Variants in C16orf96 observed in about 807,000 individuals in gnomAD.
The protein encoded by C16orf96 is chromosome 16 open reading frame 96, also known as uncharacterized protein C16orf96.
In C16orf96, 108 loss-of-function variants were observed where a neutral mutation model predicts 103.6. That is an observed-to-expected ratio of 1.04 (90% CI 0.89 to 1.22). The LOEUF (loss-of-function observed/expected upper bound fraction) is 1.22. Ranked by LOEUF, C16orf96 falls within the 50% of genes most tolerant of loss-of-function variation. The pLI is 0.00. For synonymous variants in C16orf96, 566 were observed against 593.5 expected (o/e 0.95, Z 0.67); for missense variants, 1,586 against 1,464.2 (o/e 1.08, Z -1.36).
At chr16:4,579,133 A>G (rs1031251807) in intron 6 of C16orf96, 108 bp downstream of exon 6, 64 of 1,024,014 alleles carry the variant, frequency 6.2e-5, no homozygotes, top group Non-Finnish European at 8.4e-5. Flanking sequence ...TTCTGCAGCA[A>G]AACAGGCTGG....
At chr16:4,542,342 G>A in the C16orf96 span, among the ~76,000 whole-genome samples, 8 of 151,996 alleles carry the variant, frequency 5.3e-5, no homozygotes, top group Non-Finnish European at 7.4e-5. Context: ...TCCAGCTTGA[G>A]CAACAGAGTT....
rs761384323 is a variant in C16orf96, at chr16:4,593,261, C to CGGCT, written c.2814_2817dup (p.Arg940AlafsTer40). The CGGCT allele has an allele frequency of 4.5e-6, 7 of 1,551,024 alleles. No individual in the cohort carries two copies. In the South Asian group the frequency reaches 8.3e-5, roughly 18 times the overall value. On this transcript the variant is annotated frameshift_variant, in exon 12 of 16. Transcript: ENST00000444310. LOFTEE classifies it high-confidence loss of function. This position sits in a 1 kb window ranked among gnomAD's most constrained non-coding sequence, Gnocchi z 4.2. ...CATCCGCAAAGCCCACCTGCTGTCC[C>CGGCT]GGCTGCGGCCAGCCAGCGCCAACAG...
At chr16:4,585,251 C>T (rs1470352491) in intron 7 of C16orf96, among the ~76,000 whole-genome samples, 2 of 135,774 alleles carry the variant, frequency 1.5e-5, no homozygotes, top group African/African-American at 2.8e-5. Flanking sequence ...CTAGGAGTTC[C>T]AGATCAGCCT....
upstream of C16orf96, among the ~76,000 whole-genome samples, chr16:4,555,412 C>T (rs1342654288): frequency 3.3e-5 from 5 of 151,470 alleles, no homozygotes; most frequent in Admixed American, 6.6e-5. Context: ...CTCGCTCTGT[C>T]GCCCAGGCTG....
intron 1 of C16orf96, among the ~76,000 whole-genome samples, chr16:4,567,161 A>G (rs919394073): frequency 6.6e-6 from 1 of 152,112 alleles, no homozygotes; most frequent in African/African-American, 2.4e-5. Context: ...CTAAGTGTCT[A>G]ATCACCACTT....
At chr16:4,547,831 C>T in the C16orf96 span, among the ~76,000 whole-genome samples, 2 of 148,864 alleles carry the variant, frequency 1.3e-5, no homozygotes, top group African/African-American at 5.0e-5. Flanking sequence ...ATAAGGTCTC[C>T]CAGTATTGCC....
intron 5 of C16orf96, among the ~76,000 whole-genome samples, chr16:4,578,351 C>T (rs1567448250): frequency 6.6e-6 from 1 of 152,030 alleles, no homozygotes; most frequent in Non-Finnish European, 1.5e-5. Context: ...CCATTTTGGC[C>T]AGGCTGGTCT....
At chr16:4,556,273 A>C (rs1178399427), upstream of C16orf96, among the ~76,000 whole-genome samples, 31 of 152,104 alleles carry the variant, frequency 2.0e-4, no homozygotes, top group Admixed American at 2.0e-3. Context: ...CCAGACTTTG[A>C]ATTGCGCCCG....
intron 1 of C16orf96, among the ~76,000 whole-genome samples, chr16:4,564,303 T>C (rs1183662519): frequency 1.3e-5 from 2 of 152,120 alleles, no homozygotes; most frequent in Non-Finnish European, 2.9e-5. Context: ...TTGTCAGACT[T>C]GGTTGGATAT....
At chr16:4,558,286 C>T (rs958756049) in intron 1 of C16orf96, among the ~76,000 whole-genome samples, 4 of 152,146 alleles carry the variant, frequency 2.6e-5, no homozygotes, top group African/African-American at 7.2e-5. Flanking sequence ...AGCACGTGGA[C>T]AGTGTTCAGT....
At chr16:4,598,614 G>A (rs1023119924) in intron 14 of C16orf96, among the ~76,000 whole-genome samples, 8 of 151,704 alleles carry the variant, frequency 5.3e-5, no homozygotes, top group South Asian at 2.1e-4. Flanking sequence ...ATTTTACTTC[G>A]AATAATGAAA....
chr16:4,543,559 A>G, the C16orf96 span, among the ~76,000 whole-genome samples: 1 of 152,152 alleles, frequency 6.6e-6, no homozygotes, highest in Non-Finnish European at 1.5e-5. Context: ...TCCTAGGCTC[A>G]AGTGATCCTC....
In C16orf96 at chr16:4,571,635, A is replaced by T. The variant is rs1313380473; in HGVS notation, c.495A>T (p.Glu165Asp). Residue 165 changes from glutamate (E) to aspartate (D), a missense_variant, in exon 2 of 16, where the codon GAA (glutamate) becomes GAT (aspartate). By Grantham distance (45) the Glu-to-Asp change is conservative. Transcript: ENST00000444310. Reference sequence around the variant, plus strand: ...TCACCATCACAGCCCTCAGAAAAGAAGTGGACATGCTGAAGAACATGCTTG... The same window carrying T: ...TCACCATCACAGCCCTCAGAAAAGATGTGGACATGCTGAAGAACATGCTTG... ...LQVTITALRKEVDMLKNMLDK... is the reference protein window; with the variant it reads ...LQVTITALRKDVDMLKNMLDK... 6.4e-7 allele frequency: 1 copy of T among 1,552,044 alleles called. No individual in the cohort carries two copies. The highest frequency in any genetic ancestry group is 8.7e-7 in the Non-Finnish European group (1 of 1,147,030).
intron 10 of C16orf96, 54 bp from the exon 11 acceptor site, chr16:4,592,251 C>T: frequency 6.5e-7 from 1 of 1,549,412 alleles, no homozygotes; most frequent in Non-Finnish European, 8.7e-7. Flanking sequence ...TGCAGCCTCC[C>T]ACACATGGCC....
At chr16:4,565,394 C>G (rs1454156101) in intron 1 of C16orf96, among the ~76,000 whole-genome samples, 5 of 152,206 alleles carry the variant, frequency 3.3e-5, no homozygotes, top group Non-Finnish European at 4.4e-5. Flanking sequence ...AGAGCATGTC[C>G]CCTACATGTG....
chr16:4,545,697 C>T, the C16orf96 span, among the ~76,000 whole-genome samples: 1 of 152,178 alleles, frequency 6.6e-6, no homozygotes, highest in Non-Finnish European at 1.5e-5. Flanking sequence ...CACCCACCTC[C>T]CACTCCTTGG....
At chr16:4,542,628 C>T in the C16orf96 span, among the ~76,000 whole-genome samples, 2 of 151,838 alleles carry the variant, frequency 1.3e-5, no homozygotes, top group East Asian at 3.9e-4. Context: ...GAAACCCCGT[C>T]TCTACTAAAA....
chr16:4,579,041 G>A lies in C16orf96; in HGVS notation c.2241+16G>A, dbSNP rs369597749. The A allele has an allele frequency of 1.7e-5, 27 of 1,550,074 alleles. 1 individual carries two copies. Among genetic ancestry groups the A allele is most frequent in the African/African-American group, 1.5e-4 (11 of 73,030 alleles). On this transcript the variant is annotated intron_variant, in intron 6 of 15. Coordinates refer to ENST00000444310, the MANE Select transcript of C16orf96 (RefSeq NM_001145011.2). ...TAGGCTCAAGGTTAGTGTCTCCGGC[G>A]AAGGGCTTTTGAGGCAGTGATGGCT... is the stretch of plus-strand genomic sequence containing the variant.
chr16:4,597,559 CTT>C (rs941406165), intron 14 of C16orf96, among the ~76,000 whole-genome samples: 16 of 145,420 alleles, frequency 1.1e-4, no homozygotes, highest in African/African-American at 1.0e-4. Context: ...ACTGCTTCAT[CTT>C]TTTTTTTTTT....
Sources: allele counts gnomAD v4.1 joint callset (sites outside exome capture counted in the v4.1 genomes callset), GRCh38; gene constraint gnomAD v4.1.1; non-coding constraint Gnocchi (gnomAD v3.1); transcripts MANE v1.5; gene names NCBI Gene and HGNC (gene_info 2026-07-23, HGNC 2026-07-21).